Variants in CMTR1 observed in about 807,000 individuals in gnomAD.
CMTR1 encodes cap methyltransferase 1.
A neutral mutation model predicts 107.0 loss-of-function variants in CMTR1; 39 were observed. That is an observed-to-expected ratio of 0.36 (90% CI 0.28 to 0.48). The LOEUF (loss-of-function observed/expected upper bound fraction) is 0.48. CMTR1 is among the 20% of genes least tolerant of loss of function. The pLI is 0.99. For missense variants in CMTR1, 672 were observed against 1,064.9 expected (o/e 0.63, Z 5.14); for synonymous variants, 366 against 379.5 (o/e 0.96, Z 0.41).
chr6:37,443,938 G>C, intron 2 of CMTR1, 61 bp from the exon 3 acceptor site: 1 of 1,565,184 alleles, frequency 6.4e-7, no homozygotes, highest in Non-Finnish European at 8.7e-7. Flanking sequence ...ATGAAACTTG[G>C]ATGTCTGGAG....
upstream of CMTR1, among the ~76,000 whole-genome samples, chr6:37,432,501 A>G (rs1384495327): frequency 6.6e-6 from 1 of 152,144 alleles, no homozygotes; most frequent in African/African-American, 2.4e-5. Flanking sequence ...GGGTGAATGG[A>G]TGGATTTGAA....
chr6:37,479,115 T>G, intron 22 of CMTR1, 32 bp from the exon 23 acceptor site: 1 of 1,517,010 alleles, frequency 6.6e-7, no homozygotes, highest in Non-Finnish European at 9.2e-7. Context: ...TTTGTGTCCC[T>G]TCTGGGCTTC....
chr6:37,473,694 C>G, intron 17 of CMTR1, 93 bp downstream of exon 17: 1 of 1,436,842 alleles, frequency 7.0e-7, no homozygotes, highest in Non-Finnish European at 9.4e-7. Flanking sequence ...GGTACATGTT[C>G]TCTTGGCATT....
intron 1 of CMTR1, among the ~76,000 whole-genome samples, chr6:37,433,940 A>G (rs1771459099): frequency 6.6e-6 from 1 of 152,126 alleles, no homozygotes; most frequent in African/African-American, 2.4e-5. Flanking sequence ...GGGGAGGAGC[A>G]TCCGCCTCTC....
chr6:37,461,750 T>C, intron 11 of CMTR1, 105 bp downstream of exon 11: 2 of 878,590 alleles, frequency 2.3e-6, no homozygotes, highest in Non-Finnish European at 3.5e-6. Context: ...AATCTGCTTA[T>C]ATTAGAGGAC....
rs1054057486 is a variant in CMTR1 at position 37,459,648 on chromosome 6, A to G, written c.1059A>G (p.Thr353=). The change falls in exon 10 of 24, where the codon ACA becomes ACG. Residue 353 remains threonine, a synonymous_variant. Transcript: ENST00000373451. ...SAFRNFVLDN[T]DRKGVHFLMA... ...TTCGGAATTTTGTCCTGGATAACACAGATCGCAAGGGTGTCCATTTTCTGA... is the reference window on the plus strand; with the variant it reads ...TTCGGAATTTTGTCCTGGATAACACGGATCGCAAGGGTGTCCATTTTCTGA... 4 of 1,614,072 alleles carry G rather than the reference A, an allele frequency of 2.5e-6. No homozygotes were observed. The African/African-American group carries it at 5.3e-5, about 22-fold the overall frequency.
At chr6:37,442,619 A>G (rs1337985686) in intron 2 of CMTR1, among the ~76,000 whole-genome samples, 4 of 152,228 alleles carry the variant, frequency 2.6e-5, no homozygotes, top group South Asian at 2.1e-4. Context: ...TGCTGTGCCA[A>G]TGACACTGGT....
rs1020486273 is a variant in CMTR1, at chr6:37,434,966, G to A, written c.-6-658G>A. Among the ~76,000 whole-genome samples, 25 of 152,036 alleles carry A rather than the reference G, an allele frequency of 1.6e-4. 2 individuals are homozygous for A. Among genetic ancestry groups the A allele is most frequent in the Non-Finnish European group, 1.5e-5 (1 of 68,022 alleles). On this transcript the variant is annotated intron_variant, in intron 1 of 23. Transcript: ENST00000373451. ...TTCTGTCCTTAAAATTGTTGTTTTC[G>A]TAACTGAGTTCTGTGGTATAGCTAC...
rs553493921 is a variant in CMTR1, at chr6:37,472,318, C to T, written c.1621-101C>T. 1.9e-6 allele frequency: 2 copies of T among 1,038,332 alleles called. No homozygotes were observed. The highest frequency in any genetic ancestry group is 2.4e-5 in the East Asian group (1 of 41,974). 64.3% of individuals were successfully genotyped at this position (1,038,332 alleles called of 1,614,324 possible). A position where few individuals can be genotyped will look rare whatever the true frequency, so the allele number is the denominator to read the frequency against. ...GCCTCCTTTGTTGTGTGCCATTCCT[C>T]CTCCCCAGTCTGACCCTATCTCCTC... On this transcript the variant is annotated intron_variant, in intron 15 of 23. Transcript: ENST00000373451. The surrounding 1 kb of genome is among the most constrained non-coding windows in gnomAD (Gnocchi z 4.1).
In CMTR1 at chr6:37,461,966, C is replaced by G. The variant is rs1339191598; in HGVS notation, c.1193-4C>G. 4 of 1,613,392 alleles carry G rather than the reference C, an allele frequency of 2.5e-6. No homozygotes were observed. Among genetic ancestry groups the G allele is most frequent in the Non-Finnish European group, 3.4e-6 (4 of 1,179,900 alleles). On this transcript the variant is annotated splice_region_variant and splice_polypyrimidine_tract_variant and intron_variant, in intron 11 of 23. Transcript: ENST00000373451. ...CTGCTTTTGGTGTTTTCTCTCTAAT[C>G]TAGGAGGCCACTTCATCTGTAAAAC...
chr6:37,437,551 A>AGT (rs1340360852), intron 2 of CMTR1, among the ~76,000 whole-genome samples: 1 of 147,590 alleles, frequency 6.8e-6, no homozygotes, highest in Non-Finnish European at 1.5e-5. Context: ...AGCTGTTGTT[A>AGT]GTGTATTTTA....
chr6:37,462,798 C>T (rs760249664), intron 12 of CMTR1, 31 bp from the exon 13 acceptor site: 38 of 1,605,714 alleles, frequency 2.4e-5, no homozygotes, highest in Non-Finnish European at 3.0e-5. Context: ...GAAGCCCTTG[C>T]TCGGTGGAGT....
In CMTR1 at chr6:37,472,271, CA is replaced by C. The variant is rs2113891708; in HGVS notation, c.1621-147del. 2.8e-6 allele frequency: 2 copies of C among 708,634 alleles called. No individual in the cohort carries two copies. The highest frequency in any genetic ancestry group is 3.3e-5 in the South Asian group (2 of 60,196). The allele number at this position is 708,634 out of a possible 1,614,324, so 43.9% of individuals were successfully genotyped here. On this transcript the variant is annotated intron_variant, in intron 15 of 23. Transcript: ENST00000373451. The surrounding 1 kb of genome is among the most constrained non-coding windows in gnomAD (Gnocchi z 4.1). The stretch of plus-strand genomic sequence containing the variant: ...GAAAGGGAGCAGTGAGTGAATTATC[CA>C]CCTCCATCCCTGTCAGCCTAGCCTC...
chr6:37,474,493 T>C (rs373498390), intron 17 of CMTR1, 31 bp from the exon 18 acceptor site: 1 of 1,612,622 alleles, frequency 6.2e-7, no homozygotes. Flanking sequence ...CTCCATGCCT[T>C]CCTTACCTGG....
chr6:37,452,658 CCTCT>C (rs2113873462), intron 6 of CMTR1, among the ~76,000 whole-genome samples: 1 of 152,248 alleles, frequency 6.6e-6, no homozygotes, highest in African/African-American at 2.4e-5. Flanking sequence ...ATTTGTTTCT[CCTCT>C]CTCTAAGTGA....
intron 5 of CMTR1, among the ~76,000 whole-genome samples, chr6:37,450,866 G>A (rs1218973566): frequency 4.6e-5 from 7 of 152,202 alleles, no homozygotes; most frequent in Non-Finnish European, 1.0e-4. Flanking sequence ...TTTTCATAAT[G>A]ATATTGAAAA....
chr6:37,435,517 A>G, intron 1 of CMTR1, 107 bp from the exon 2 acceptor site: 2 of 1,246,548 alleles, frequency 1.6e-6, no homozygotes, highest in East Asian at 2.7e-5. Context: ...GAAGATGTGT[A>G]GAATTGCCAA....
chr6:37,444,885 G>A (rs1771751674), intron 3 of CMTR1, among the ~76,000 whole-genome samples: 1 of 152,072 alleles, frequency 6.6e-6, no homozygotes. Context: ...AATTATCCAG[G>A]CATGGTGGCA....
At chr6:37,479,336 A>T in intron 23 of CMTR1, 81 bp downstream of exon 23, 1 of 994,614 alleles carries the variant, frequency 1.0e-6, no homozygotes, top group Non-Finnish European at 1.6e-6. Context: ...TCTTGGGGGC[A>T]CACCCTGGGT....
Sources: allele counts gnomAD v4.1 joint callset (sites outside exome capture counted in the v4.1 genomes callset), GRCh38; gene constraint gnomAD v4.1.1; non-coding constraint Gnocchi (gnomAD v3.1); transcripts MANE v1.5; gene names NCBI Gene and HGNC (gene_info 2026-07-23, HGNC 2026-07-21).